Variants in PHKG1 observed in about 807,000 individuals in gnomAD.
The protein encoded by PHKG1 is phosphorylase b kinase gamma catalytic chain, skeletal muscle/heart isoform.
PHKG1 carries 48 observed loss-of-function variants against 50.5 expected under a neutral mutation model. The ratio of observed to expected loss-of-function variants is 0.95; its 90% confidence interval spans 0.75 to 1.21. The LOEUF (loss-of-function observed/expected upper bound fraction) is 1.21. Among genes scored for constraint, PHKG1 ranks in the 50% most tolerant of loss-of-function variants. PHKG1 has a pLI of 0.00. For synonymous variants in PHKG1, 204 were observed against 212.8 expected (o/e 0.96, Z 0.36); for missense variants, 487 against 519.5 (o/e 0.94, Z 0.61).
chr7:56,092,014 T>C (rs569498983), intron 1 of PHKG1, among the ~76,000 whole-genome samples: 41 of 152,260 alleles, frequency 2.7e-4, no homozygotes, highest in African/African-American at 9.4e-4. Flanking sequence ...CTCTCTCCTC[T>C]CCCCCAGCCC....
chr7:56,082,726 C>T lies in PHKG1; in HGVS notation c.548-473G>A, dbSNP rs191955487. ...GGGATACTGCCCACAGGGCCACCAGCTCATGGCCCATTGCTTCCCTGGTCA... is the reference window on the plus strand; with the variant it reads ...GGGATACTGCCCACAGGGCCACCAGTTCATGGCCCATTGCTTCCCTGGTCA... On this transcript the variant is annotated intron_variant, in intron 6 of 9. Coordinates refer to ENST00000297373, the MANE Select transcript of PHKG1 (RefSeq NM_006213.5). Among the ~76,000 whole-genome samples, 43 of 152,334 alleles carry T rather than the reference C, an allele frequency of 2.8e-4. 1 individual carries two copies. The East Asian group carries it at 8.3e-3, about 29-fold the overall frequency.
At chr7:56,082,496 G>A (rs1254663760) in intron 6 of PHKG1, among the ~76,000 whole-genome samples, 1 of 152,190 alleles carries the variant, frequency 6.6e-6, no homozygotes, top group African/African-American at 2.4e-5. Flanking sequence ...AGGAGGCTGA[G>A]ACAGGAGAAT....
chr7:56,083,759 C>T (rs1446290370), intron 4 of PHKG1, 44 bp from the exon 5 acceptor site: 1 of 1,328,400 alleles, frequency 7.5e-7, no homozygotes, highest in East Asian at 2.5e-5. Flanking sequence ...CCCAAGACCA[C>T]CACTGCCCTT....
chr7:56,088,950 C>T lies in PHKG1; in HGVS notation c.-9G>A, dbSNP rs759364784. 8 of 1,604,160 alleles carry T rather than the reference C, an allele frequency of 5.0e-6. No individual in the cohort carries two copies. In the South Asian group the frequency reaches 7.7e-5, roughly 15 times the overall value. The stretch of plus-strand genomic sequence containing the variant: ...GCCTCGTCCCGGGTCATGCTCAGAT[C>T]TTCAGTGAGGGAACTCTGGGTGGCT... On this transcript the variant is annotated 5_prime_UTR_variant, in exon 2 of 10. Transcript: ENST00000297373.
chr7:56,084,012 T>G, intron 4 of PHKG1: 1 of 620,808 alleles, frequency 1.6e-6, no homozygotes, highest in Non-Finnish European at 2.8e-6. Context: ...GAAAAATTTT[T>G]CCCACCATTT....
In PHKG1 at chr7:56,081,595, G is replaced by T; in HGVS notation, c.918+35C>A. The T allele has an allele frequency of 1.9e-6, 3 of 1,609,204 alleles. No individual in the cohort carries two copies. The highest frequency in any genetic ancestry group is 1.7e-6 in the Non-Finnish European group (2 of 1,177,242). On this transcript the variant is annotated intron_variant, in intron 9 of 9. Transcript: ENST00000297373. This position sits in a 1 kb window ranked among gnomAD's most constrained non-coding sequence, Gnocchi z 4.6. ...GAGGGGGCTTAGAGGTTTGCACTTA[G>T]GGAGCTGGCGGGCCTGGATCAGGAC...
chr7:56,080,990 G>A lies in PHKG1; in HGVS notation c.*64C>T. On this transcript the variant is annotated 3_prime_UTR_variant, in exon 10 of 10. Coordinates refer to ENST00000297373, the MANE Select transcript of PHKG1 (RefSeq NM_006213.5). Reference sequence around the variant, plus strand: ...AGGCCTGCACGCATCTCACCCCTTTGACTTGTATTTCCATGGCTTCCCCTC... The same window carrying A: ...AGGCCTGCACGCATCTCACCCCTTTAACTTGTATTTCCATGGCTTCCCCTC... 8.8e-6 allele frequency: 14 copies of A among 1,587,248 alleles called. No individual in the cohort carries two copies. Among genetic ancestry groups the A allele is most frequent in the Non-Finnish European group, 1.1e-5 (13 of 1,165,502 alleles).
rs1796130963 is a variant in PHKG1 at position 56,083,702 on chromosome 7, C to A, written c.331G>T (p.Glu111Ter). The change falls in exon 5 of 10, where the codon GAG becomes TAG. Residue 111 changes from glutamate (E) to a stop codon, truncating the protein, a stop_gained. Transcript: ENST00000297373. LOFTEE classifies it high-confidence loss of function. ...TTCTCAGTGAGGTAGTCAAAGAGCTCCCCTCTCTTCATCCTGTGGAAACAG... is the reference window on the plus strand; with the variant it reads ...TTCTCAGTGAGGTAGTCAAAGAGCTACCCTCTCTTCATCCTGTGGAAACAG... ...FLVFDLMKRG[E>*]LFDYLTEKVT... 6.3e-7 allele frequency: 1 copy of A among 1,579,138 alleles called. No homozygotes were observed. The highest frequency in any genetic ancestry group is 8.6e-7 in the Non-Finnish European group (1 of 1,159,280).
chr7:56,084,013 CCCA>C (rs1796143402), intron 4 of PHKG1: 1 of 621,578 alleles, frequency 1.6e-6, no homozygotes, highest in Non-Finnish European at 2.8e-6. Context: ...AAAAATTTTT[CCCA>C]CCATTTCATG....
intron 1 of PHKG1, 135 bp downstream of exon 1, chr7:56,092,701 T>A (rs1796533139): frequency 6.6e-6 from 1 of 152,082 alleles, no homozygotes; most frequent in Non-Finnish European, 1.5e-5. Flanking sequence ...ATGCTGCCAC[T>A]CTCCCTGGTC....
chr7:56,087,821 A>T, intron 2 of PHKG1, 45 bp from the exon 3 acceptor site: 3 of 1,519,778 alleles, frequency 2.0e-6, no homozygotes, highest in Middle Eastern at 1.7e-4. Flanking sequence ...CCCTCACCCC[A>T]TGGGGGGTCC....
chr7:56,088,861 G>A lies in PHKG1; in HGVS notation c.81C>T (p.Gly27=), dbSNP rs1796382073. Residue 27 remains glycine (G), a splice_region_variant and synonymous_variant, in exon 2 of 10, where the codon GGC becomes GGT. Transcript: ENST00000297373. The stretch of plus-strand genomic sequence containing the variant: ...CGTGGGGAAAGCTTGGGCTTTACCT[G>A]CCCAGGATCTCTTTGGGCTCATAAT... The part of the protein sequence containing the change: ...YENYEPKEIL[G]RGVSSVVRRC... 1 of 1,610,428 alleles carries A rather than the reference G, an allele frequency of 6.2e-7. No homozygotes were observed. Among genetic ancestry groups the A allele is most frequent in the Non-Finnish European group, 8.5e-7 (1 of 1,177,516 alleles).
At chr7:56,083,085 G>C in intron 6 of PHKG1, 193 bp downstream of exon 6, 1 of 529,538 alleles carries the variant, frequency 1.9e-6, no homozygotes, top group Non-Finnish European at 3.3e-6. Context: ...CAGCCTGGGC[G>C]ACAGAGTGAG....
intron 1 of PHKG1, 150 bp downstream of exon 1, chr7:56,092,686 G>A (rs1255744083): frequency 6.6e-6 from 1 of 152,090 alleles, no homozygotes; most frequent in East Asian, 1.9e-4. Context: ...AGGTTTCAAG[G>A]GTCAATGCTG....
At chr7:56,090,385 G>T (rs533264571) in intron 1 of PHKG1, among the ~76,000 whole-genome samples, 1 of 152,180 alleles carries the variant, frequency 6.6e-6, no homozygotes, top group East Asian at 1.9e-4. Context: ...CAAAGTGCTG[G>T]GATTACAGGC....
rs770999581 is a variant in PHKG1 at position 56,083,332 on chromosome 7, T to C, written c.493A>G (p.Lys165Glu). The C allele has an allele frequency of 3.7e-6, 6 of 1,614,022 alleles. No individual in the cohort carries two copies. In the Admixed American group the frequency reaches 1.0e-4, roughly 27 times the overall value. ...CAGGAAAAGCCAAAGTCTGTGAGCTTGATGTTCATGTTGTCATCCAAGAGA... is the reference window on the plus strand; with the variant it reads ...CAGGAAAAGCCAAAGTCTGTGAGCTCGATGTTCATGTTGTCATCCAAGAGA... Reference protein sequence around the residue: ...NILLDDNMNIKLTDFGFSCQL... With the variant: ...NILLDDNMNIELTDFGFSCQL... Residue 165 changes from lysine to glutamate, a missense_variant, in exon 6 of 10, where the codon AAG (lysine) becomes GAG (glutamate). By Grantham distance (56) the Lys-to-Glu change is moderately conservative. Transcript: ENST00000297373.
At chr7:56,086,906 T>G in intron 4 of PHKG1, 64 bp downstream of exon 4, 3 of 1,250,754 alleles carry the variant, frequency 2.4e-6, no homozygotes, top group African/African-American at 1.5e-5. Context: ...AGCCCTGGGG[T>G]TGGGGAGGGG....
In PHKG1 at chr7:56,081,551, G is replaced by A. The variant is rs1795992486; in HGVS notation, c.918+79C>T. On this transcript the variant is annotated intron_variant, in intron 9 of 9. Transcript: ENST00000297373. This position sits in a 1 kb window ranked among gnomAD's most constrained non-coding sequence, Gnocchi z 4.6. ...TGGGTACTCTGGAAATTCACGGGGT[G>A]TAAGGACTCCTGGGAGAGGAGGGGG... 1.3e-6 allele frequency: 2 copies of A among 1,525,376 alleles called. No homozygotes were observed. The highest frequency in any genetic ancestry group is 2.3e-5 in the East Asian group (1 of 44,180). The allele number at this position is 1,525,376 out of a possible 1,614,324, so 94.5% of individuals were successfully genotyped here.
intron 1 of PHKG1, 148 bp from the exon 2 acceptor site, chr7:56,089,123 G>T: frequency 1.8e-6 from 1 of 549,550 alleles, no homozygotes; most frequent in Non-Finnish European, 3.3e-6. Flanking sequence ...TGTGAATTGA[G>T]GCCGTTCGTG....
Sources: allele counts gnomAD v4.1 joint callset (sites outside exome capture counted in the v4.1 genomes callset), GRCh38; gene constraint gnomAD v4.1.1; non-coding constraint Gnocchi (gnomAD v3.1); transcripts MANE v1.5; gene names NCBI Gene and HGNC (gene_info 2026-07-23, HGNC 2026-07-21).